Variants in NBEA observed in about 807,000 individuals in gnomAD.
NBEA encodes the protein lysosomal-trafficking regulator 2.
A neutral mutation model predicts 343.4 loss-of-function variants in NBEA; 44 were observed. The observed-to-expected ratio is 0.13, with a 90% CI of 0.10 to 0.16. The LOEUF is 0.16. Among genes scored for constraint, NBEA ranks in the 10% least tolerant of loss-of-function variants. The pLI is 1.00. For synonymous variants in NBEA, 1,175 were observed against 1,238.7 expected (o/e 0.95, Z 1.08); for missense variants, 2,555 against 3,631.3 (o/e 0.70, Z 7.62).
At chr13:35,037,548 A>G (rs1182633843) in intron 1 of NBEA, among the ~76,000 whole-genome samples, 1 of 152,094 alleles carries the variant, frequency 6.6e-6, no homozygotes, top group Non-Finnish European at 1.5e-5. Context: ...CTTCTTGGGA[A>G]GGCTTTCCAG....
At chr13:35,646,464 A>G in intron 51 of NBEA, 116 bp downstream of exon 51, 2 of 751,644 alleles carry the variant, frequency 2.7e-6, no homozygotes, top group Non-Finnish European at 4.5e-6. Flanking sequence ...TTATTGGTTA[A>G]CTCTTCAGCC....
intron 10 of NBEA, among the ~76,000 whole-genome samples, chr13:35,095,500 G>A (rs1285181281): frequency 6.6e-6 from 1 of 151,114 alleles, no homozygotes; most frequent in East Asian, 1.9e-4. Context: ...TTTTCCCATG[G>A]TCTAGCCCTT....
intron 45 of NBEA, among the ~76,000 whole-genome samples, chr13:35,572,391 A>G (rs2080476889): frequency 6.6e-6 from 1 of 152,198 alleles, no homozygotes; most frequent in South Asian, 2.1e-4. Flanking sequence ...ACCAAGTCCT[A>G]CTAATATTGA....
At chr13:35,179,661 G>A in intron 28 of NBEA, 1 of 445,176 alleles carries the variant, frequency 2.2e-6, no homozygotes, top group Non-Finnish European at 3.0e-6. Context: ...TGTGTAGTTG[G>A]CATTCATTCA....
At chr13:34,994,418 G>T (rs953194831) in intron 1 of NBEA, among the ~76,000 whole-genome samples, 5 of 151,964 alleles carry the variant, frequency 3.3e-5, no homozygotes, top group Non-Finnish European at 5.9e-5. Flanking sequence ...AAAACATATT[G>T]ACAGTTAAGA....
At chr13:35,405,327 G>A in intron 38 of NBEA, among the ~76,000 whole-genome samples, 1 of 152,268 alleles carries the variant, frequency 6.6e-6, no homozygotes, top group Non-Finnish European at 1.5e-5. Context: ...GTAGGTGGCA[G>A]GGCTGGGATT....
chr13:35,144,552 A>C (rs1376231064), intron 18 of NBEA, among the ~76,000 whole-genome samples: 1 of 152,156 alleles, frequency 6.6e-6, no homozygotes, highest in Non-Finnish European at 1.5e-5. Context: ...TTTGCTAGTC[A>C]TGCGAAACTG....
intron 1 of NBEA, among the ~76,000 whole-genome samples, chr13:34,984,672 A>T (rs2060484860): frequency 6.6e-6 from 1 of 151,108 alleles, no homozygotes; most frequent in African/African-American, 2.4e-5. Context: ...CTTCATGAGC[A>T]TGGAATGTTC....
At chr13:35,475,788 A>G in intron 41 of NBEA, 1 of 1,613,810 alleles carries the variant, frequency 6.2e-7, no homozygotes, top group Non-Finnish European at 8.5e-7. Context: ...CGGAGGCGGT[A>G]ATGAATTCCA....
At chr13:35,612,102 TG>T (rs2082544524) in intron 48 of NBEA, among the ~76,000 whole-genome samples, 1 of 151,924 alleles carries the variant, frequency 6.6e-6, no homozygotes, top group South Asian at 2.1e-4. Flanking sequence ...GCCATTCTAG[TG>T]AATGTGAGGT....
chr13:34,983,303 T>C (rs1239305593), intron 1 of NBEA, among the ~76,000 whole-genome samples: 10 of 152,158 alleles, frequency 6.6e-5, no homozygotes, highest in Non-Finnish European at 4.4e-5. Flanking sequence ...GATAGTTTGC[T>C]CAGAATGGTG....
At chr13:35,648,153 C>T (rs532443500) in intron 51 of NBEA, among the ~76,000 whole-genome samples, 1 of 150,542 alleles carries the variant, frequency 6.6e-6, no homozygotes, top group East Asian at 2.0e-4. Flanking sequence ...CATAAGCCAC[C>T]ATGCCTGCCT....
chr13:35,077,661 C>T (rs1944683370), intron 10 of NBEA, among the ~76,000 whole-genome samples: 1 of 152,014 alleles, frequency 6.6e-6, no homozygotes, highest in Admixed American at 6.6e-5. Flanking sequence ...TGCTGTTGCC[C>T]TTTTCCAGTA....
chr13:34,988,314 C>T (rs2060631504), intron 1 of NBEA, among the ~76,000 whole-genome samples: 1 of 151,086 alleles, frequency 6.6e-6, no homozygotes, highest in African/African-American at 2.4e-5. Context: ...GGGAGAACCA[C>T]TGCTCTCTTC....
At chr13:35,615,329 T>C (rs2153057015) in intron 48 of NBEA, among the ~76,000 whole-genome samples, 1 of 150,476 alleles carries the variant, frequency 6.6e-6, no homozygotes, top group Non-Finnish European at 1.5e-5. Context: ...GTTATTGACC[T>C]GAAACCCATT....
At chr13:35,031,486 G>A (rs1029914131) in intron 1 of NBEA, among the ~76,000 whole-genome samples, 3 of 151,372 alleles carry the variant, frequency 2.0e-5, no homozygotes, top group African/African-American at 7.3e-5. Context: ...TATTCGATTG[G>A]TGACTACTTT....
rs139996453 is a variant in NBEA, at chr13:35,589,577, C to T, written c.7177-3751C>T. 2.0e-3 allele frequency among the ~76,000 whole-genome samples: 306 copies of T among 152,152 alleles called. 1 individual carries two copies. Among genetic ancestry groups the T allele is most frequent in the African/African-American group, 7.3e-3 (301 of 41,512 alleles). On this transcript the variant is annotated intron_variant, in intron 46 of 58. Transcript: ENST00000379939. ...GAAGGAAAAGAAGAACAGAACAGAACTACAAGAAGCGAAGGATGTAAAAGA... is the reference window on the plus strand; with the variant it reads ...GAAGGAAAAGAAGAACAGAACAGAATTACAAGAAGCGAAGGATGTAAAAGA...
intron 1 of NBEA, among the ~76,000 whole-genome samples, chr13:34,988,895 A>T (rs1359117913): frequency 2.0e-5 from 3 of 150,872 alleles, no homozygotes; most frequent in Non-Finnish European, 1.5e-5. Flanking sequence ...ATCCATTGTG[A>T]CATTCAGTCT....
chr13:35,052,503 A>G (rs2063099834), intron 6 of NBEA, among the ~76,000 whole-genome samples: 1 of 151,764 alleles, frequency 6.6e-6, no homozygotes, highest in Admixed American at 6.6e-5. Context: ...GGATCTTTTT[A>G]TTCCTTATTA....
Sources: gnomAD v4.1 joint callset for allele counts (sites outside exome capture counted in the v4.1 genomes callset) on GRCh38, gnomAD v4.1.1 for gene constraint, MANE v1.5 for transcripts, NCBI Gene and HGNC (gene_info 2026-07-23, HGNC 2026-07-21) for gene names.